PRKCE: variants seen among roughly 807,000 people sequenced by gnomAD.
PRKCE encodes the protein protein kinase C epsilon, also known as protein kinase C epsilon type.
PRKCE carries 16 observed loss-of-function variants against 85.4 expected under a neutral mutation model. The ratio of observed to expected loss-of-function variants is 0.19; its 90% confidence interval spans 0.13 to 0.28. The LOEUF is 0.28. Ranked by LOEUF, PRKCE falls within the 10% of genes least tolerant of loss-of-function variation. The pLI, the probability that PRKCE is intolerant of heterozygous loss-of-function variation, is 1.00. For missense variants in PRKCE, 573 were observed against 975.2 expected (o/e 0.59, Z 5.49); for synonymous variants, 388 against 371.5 (o/e 1.04, Z -0.51).
intron 1 of PRKCE, among the ~76,000 whole-genome samples, chr2:45,729,016 A>G (rs1383810538): frequency 6.6e-6 from 1 of 152,052 alleles, no homozygotes; most frequent in Non-Finnish European, 1.5e-5. Flanking sequence ...CTCACTTCCC[A>G]TCGTCTTTCT....
chr2:45,679,226 GT>G (rs1487118399), intron 1 of PRKCE, among the ~76,000 whole-genome samples: 1 of 152,162 alleles, frequency 6.6e-6, no homozygotes, highest in Non-Finnish European at 1.5e-5. Flanking sequence ...TCCATGCATA[GT>G]ACTTTGCTGT....
intron 1 of PRKCE, among the ~76,000 whole-genome samples, chr2:45,805,706 C>T (rs1197257848): frequency 6.6e-6 from 1 of 151,720 alleles, no homozygotes; most frequent in Non-Finnish European, 1.5e-5. Flanking sequence ...AAGTGATTCT[C>T]CTGCCTCAGC....
At chr2:45,973,872 C>A (rs1419871122) in intron 2 of PRKCE, among the ~76,000 whole-genome samples, 2 of 152,206 alleles carry the variant, frequency 1.3e-5, no homozygotes, top group East Asian at 1.9e-4. Context: ...ACCATTTTAA[C>A]TGAAAATAGT....
At chr2:46,098,219 G>C (rs2104035094) in intron 11 of PRKCE, among the ~76,000 whole-genome samples, 1 of 152,242 alleles carries the variant, frequency 6.6e-6, no homozygotes, top group East Asian at 1.9e-4. Context: ...GGAACCCCTG[G>C]TCTCTAACCC....
intron 1 of PRKCE, among the ~76,000 whole-genome samples, chr2:45,766,591 C>T (rs1161555510): frequency 2.0e-5 from 3 of 152,180 alleles, no homozygotes; most frequent in Non-Finnish European, 4.4e-5. Context: ...TGTTTCTAAC[C>T]AGTGAGAAAT....
chr2:45,669,611 G>T lies in PRKCE; in HGVS notation c.348+17163G>T, dbSNP rs542584404. ...TGAAAAGACTGATCTGATCACATCA[G>T]TTTCAGGGAGGGCAGGAAGAAACTA... On this transcript the variant is annotated intron_variant, in intron 1 of 14. Coordinates refer to ENST00000306156, the MANE Select transcript of PRKCE (RefSeq NM_005400.3). 8.5e-5 allele frequency among the ~76,000 whole-genome samples: 13 copies of T among 152,358 alleles called. No individual in the cohort carries two copies. In the East Asian group the frequency reaches 2.5e-3, roughly 29 times the overall value.
At chr2:45,872,543 T>G (rs532397479) in intron 2 of PRKCE, among the ~76,000 whole-genome samples, 143 of 151,804 alleles carry the variant, frequency 9.4e-4, no homozygotes, top group African/African-American at 3.3e-3. Context: ...AGAGGTCAAT[T>G]AAGAGCCACT....
chr2:46,020,734 G>C (rs1029433648), intron 10 of PRKCE, among the ~76,000 whole-genome samples: 2 of 152,234 alleles, frequency 1.3e-5, no homozygotes, highest in African/African-American at 4.8e-5. Context: ...ATTTGCGTCA[G>C]AATCTTTTGA....
At chr2:45,985,318 T>C (rs777589241) in intron 6 of PRKCE, among the ~76,000 whole-genome samples, 1 of 152,096 alleles carries the variant, frequency 6.6e-6, no homozygotes, top group Non-Finnish European at 1.5e-5. Flanking sequence ...AACAGCGCAC[T>C]CAGATGATGA....
At chr2:45,722,146 G>T (rs1480297417) in intron 1 of PRKCE, among the ~76,000 whole-genome samples, 2 of 152,086 alleles carry the variant, frequency 1.3e-5, no homozygotes, top group African/African-American at 4.8e-5. Context: ...ATACTTTTAT[G>T]AAATAAATGA....
chr2:46,074,838 C>T (rs576660574), intron 10 of PRKCE, among the ~76,000 whole-genome samples: 1 of 152,210 alleles, frequency 6.6e-6, no homozygotes, highest in African/African-American at 2.4e-5. Flanking sequence ...CAGCTGTTAG[C>T]CACCTATGTC....
At chr2:45,666,872 C>T (rs571710375) in intron 1 of PRKCE, among the ~76,000 whole-genome samples, 2 of 152,254 alleles carry the variant, frequency 1.3e-5, no homozygotes, top group Admixed American at 6.5e-5. Context: ...TGGGGGTCTT[C>T]CTCTGTCACC....
At chr2:45,915,734 T>G (rs1208202251) in intron 2 of PRKCE, among the ~76,000 whole-genome samples, 1 of 152,194 alleles carries the variant, frequency 6.6e-6, no homozygotes, top group Non-Finnish European at 1.5e-5. Flanking sequence ...TGCTGGTTGA[T>G]TCACATGTGC....
chr2:45,857,490 T>C (rs1162166192), intron 2 of PRKCE, among the ~76,000 whole-genome samples: 1 of 152,232 alleles, frequency 6.6e-6, no homozygotes, highest in Non-Finnish European at 1.5e-5. Flanking sequence ...TATTAGCCTC[T>C]ATACTCTGAA....
intron 1 of PRKCE, among the ~76,000 whole-genome samples, chr2:45,699,865 T>A (rs962514129): frequency 7.2e-5 from 11 of 152,098 alleles, no homozygotes; most frequent in Non-Finnish European, 1.3e-4. Context: ...TGCCGCCGCT[T>A]GTGTCTGATG....
rs7595137 is a variant in PRKCE at position 45,682,107 on chromosome 2, C to T, written c.348+29659C>T. 7.8e-3 allele frequency among the ~76,000 whole-genome samples: 1,188 copies of T among 152,186 alleles called. 14 individuals carry two copies. The highest frequency in any genetic ancestry group is 0.027 in the African/African-American group (1,134 of 41,504). ...GTTTATCCAAACAATCATAAATGAA[C>T]TTATTAAATTTTTTACAAACAGCTT... On this transcript the variant is annotated intron_variant, in intron 1 of 14. Coordinates refer to ENST00000306156, the MANE Select transcript of PRKCE (RefSeq NM_005400.3).
chr2:45,930,426 C>G (rs1698955466), intron 2 of PRKCE, among the ~76,000 whole-genome samples: 1 of 152,184 alleles, frequency 6.6e-6, no homozygotes, highest in Non-Finnish European at 1.5e-5. Flanking sequence ...ATGTTGGATG[C>G]TTAATAAATC....
At position 46,159,199 on chromosome 2, in the gene PRKCE, C is replaced by T. The variant is rs1180076414; in HGVS notation, c.1921-407C>T. ...GTAAATGAGTTTATCAGACCTCAGT[C>T]TCCCTGATGAGAAGACCTGAGAATC... On this transcript the variant is annotated intron_variant, in intron 13 of 14. Coordinates refer to ENST00000306156, the MANE Select transcript of PRKCE (RefSeq NM_005400.3). The surrounding 1 kb of genome is among the most constrained non-coding windows in gnomAD (Gnocchi z 4.1). Among the ~76,000 whole-genome samples, 1 of 152,206 alleles carries T rather than the reference C, an allele frequency of 6.6e-6. No individual in the cohort carries two copies. Among genetic ancestry groups the T allele is most frequent in the Non-Finnish European group, 1.5e-5 (1 of 68,046 alleles).
chr2:45,925,674 A>G (rs1309337436), intron 2 of PRKCE, among the ~76,000 whole-genome samples: 1 of 152,244 alleles, frequency 6.6e-6, no homozygotes, highest in African/African-American at 2.4e-5. Context: ...CCGAGTAGTG[A>G]ACCCAAGGGA....
Sources: gnomAD v4.1 joint callset for allele counts (sites outside exome capture counted in the v4.1 genomes callset) on GRCh38, gnomAD v4.1.1 for gene constraint, Gnocchi (gnomAD v3.1) non-coding constraint, MANE v1.5 for transcripts, NCBI Gene and HGNC (gene_info 2026-07-23, HGNC 2026-07-21) for gene names.